Variants in CDC20B observed in about 807,000 individuals in gnomAD.
CDC20B encodes the protein cell division cycle 20B.
In CDC20B, 58 loss-of-function variants were observed where a neutral mutation model predicts 64.1. The ratio of observed to expected loss-of-function variants is 0.90; its 90% CI spans 0.73 to 1.13. The LOEUF is 1.13. CDC20B is among the 50% of genes most tolerant of loss of function. CDC20B has a pLI of 0.00. For synonymous variants in CDC20B, 243 were observed against 230.6 expected (o/e 1.05, Z -0.49); for missense variants, 597 against 633.0 (o/e 0.94, Z 0.61).
chr5:55,170,718 T>C (rs769526811), intron 2 of CDC20B: 2 of 534,054 alleles, frequency 3.7e-6, no homozygotes, highest in Non-Finnish European at 7.7e-6. Flanking sequence ...CAGCTAACAA[T>C]ACACTGCCTA....
chr5:55,154,933 C>T (rs971933561), intron 2 of CDC20B, among the ~76,000 whole-genome samples: 3 of 152,140 alleles, frequency 2.0e-5, no homozygotes, highest in Non-Finnish European at 4.4e-5. Context: ...AGGTGGTACT[C>T]CTTCAATGAC....
chr5:55,154,674 G>T (rs1381922321), intron 2 of CDC20B, among the ~76,000 whole-genome samples: 1 of 152,210 alleles, frequency 6.6e-6, no homozygotes, highest in East Asian at 1.9e-4. Flanking sequence ...AACTTTGAAA[G>T]AGAGCACAGT....
chr5:55,129,580 A>G (rs1442218751), intron 6 of CDC20B, among the ~76,000 whole-genome samples: 7 of 152,218 alleles, frequency 4.6e-5, no homozygotes, highest in Non-Finnish European at 7.3e-5. Flanking sequence ...AAAGAAAGAG[A>G]TCCTCTGAGT....
At chr5:55,161,928 A>G (rs13354729) in intron 2 of CDC20B, among the ~76,000 whole-genome samples, 17,944 of 152,034 alleles carry the variant, frequency 0.12, 1,230 homozygotes, top group East Asian at 0.26. Flanking sequence ...TGTTTTTGCT[A>G]TGTGGCTTCT....
At chr5:55,169,571 C>A (rs1262650713) in intron 2 of CDC20B, among the ~76,000 whole-genome samples, 1 of 152,180 alleles carries the variant, frequency 6.6e-6, no homozygotes, top group Non-Finnish European at 1.5e-5. Flanking sequence ...GTTGTTAGAT[C>A]TCATGCTGTC....
intron 6 of CDC20B, 120 bp from the exon 7 acceptor site, chr5:55,128,737 G>A (rs975916533): frequency 4.5e-6 from 3 of 661,458 alleles, no homozygotes; most frequent in Middle Eastern, 4.1e-4. Flanking sequence ...GCTGGAAAAT[G>A]GAAACATGGA....
intron 7 of CDC20B, 45 bp from the exon 8 acceptor site, chr5:55,127,396 C>G (rs371465617): frequency 2.5e-5 from 37 of 1,482,458 alleles, no homozygotes; most frequent in Non-Finnish European, 3.4e-5. Context: ...GGAGTTTTCA[C>G]AGCCCACTGT....
chr5:55,173,113 G>T lies in CDC20B; in HGVS notation c.-113C>A. ...CTAATCGTCAAACCCCTGGAGTCCC[G>T]TCCCCCAGGACCATTCTATTTCACC... On this transcript the variant is annotated 5_prime_UTR_variant, in exon 1 of 12. Coordinates refer to ENST00000381375, the MANE Select transcript of CDC20B (RefSeq NM_001170402.1). 2.3e-6 allele frequency: 2 copies of T among 856,752 alleles called. No individual in the cohort carries two copies. Among genetic ancestry groups the T allele is most frequent in the East Asian group, 2.7e-5 (1 of 37,730 alleles). 53.1% of individuals were successfully genotyped at this position (856,752 alleles called of 1,614,324 possible).
intron 3 of CDC20B, among the ~76,000 whole-genome samples, chr5:55,144,214 T>G (rs2111877795): frequency 6.6e-6 from 1 of 152,256 alleles, no homozygotes; most frequent in East Asian, 1.9e-4. Flanking sequence ...GAAAGATGTT[T>G]TAAAGATAGT....
chr5:55,144,092 A>C (rs1743408034), intron 3 of CDC20B, among the ~76,000 whole-genome samples: 1 of 151,988 alleles, frequency 6.6e-6, no homozygotes, highest in African/African-American at 2.4e-5. Context: ...GGTTTGCCCG[A>C]GCTATGGTCA....
chr5:55,164,411 A>T (rs577336301), intron 2 of CDC20B: 2 of 369,694 alleles, frequency 5.4e-6, no homozygotes, highest in East Asian at 8.1e-5. Context: ...ATTTTTTTTT[A>T]ATGTTATCTT....
At chr5:55,165,077 G>C (rs1465785462) in intron 2 of CDC20B, 1 of 152,138 alleles carries the variant, frequency 6.6e-6, no homozygotes, top group Non-Finnish European at 1.5e-5. Flanking sequence ...AGGCTGATTT[G>C]GGTTGCTAAT....
chr5:55,156,370 A>G (rs1743808409), intron 2 of CDC20B, among the ~76,000 whole-genome samples: 1 of 152,204 alleles, frequency 6.6e-6, no homozygotes, highest in South Asian at 2.1e-4. Context: ...TTTCTTCTAA[A>G]TAAATTTATT....
chr5:55,139,672 T>C (rs1743277729), intron 5 of CDC20B, among the ~76,000 whole-genome samples: 1 of 152,226 alleles, frequency 6.6e-6, no homozygotes, highest in Non-Finnish European at 1.5e-5. Flanking sequence ...CATTAACTAC[T>C]AATTTTACTT....
intron 2 of CDC20B, among the ~76,000 whole-genome samples, chr5:55,154,799 G>T (rs997145126): frequency 2.0e-5 from 3 of 152,068 alleles, no homozygotes; most frequent in Non-Finnish European, 1.5e-5. Context: ...TTTCAGGTTT[G>T]ATGTAAAGTT....
At chr5:55,147,519 T>C (rs914712662) in intron 2 of CDC20B, among the ~76,000 whole-genome samples, 9 of 148,580 alleles carry the variant, frequency 6.1e-5, no homozygotes, top group African/African-American at 2.2e-4. Context: ...AAATGTTACG[T>C]ATTTTTATAT....
intron 11 of CDC20B, among the ~76,000 whole-genome samples, chr5:55,117,491 A>T (rs186089820): frequency 4.6e-5 from 7 of 152,196 alleles, no homozygotes; most frequent in African/African-American, 1.7e-4. Context: ...TTCACTTTTT[A>T]TTGCTGATCT....
chr5:55,140,105 C>T (rs1305585168), intron 5 of CDC20B, among the ~76,000 whole-genome samples: 1 of 152,008 alleles, frequency 6.6e-6, no homozygotes, highest in African/African-American at 2.4e-5. Context: ...AGGAGGACAG[C>T]TGGAAGAACT....
At position 55,131,722 on chromosome 5, in the gene CDC20B, A is replaced by T. The variant is rs569285706; in HGVS notation, c.697+1690T>A. On this transcript the variant is annotated intron_variant, in intron 6 of 11. Coordinates refer to ENST00000381375, the MANE Select transcript of CDC20B (RefSeq NM_001170402.1). ...AATATGGGGAGAGAAATAGAAAATT[A>T]TAAGTATAAAGATCTTTTGAAAGTT... Among the ~76,000 whole-genome samples, 4 of 152,362 alleles carry T rather than the reference A, an allele frequency of 2.6e-5. No homozygotes were observed. The South Asian group carries it at 6.2e-4, about 24-fold the overall frequency.
Sources: allele counts gnomAD v4.1 joint callset (sites outside exome capture counted in the v4.1 genomes callset), GRCh38; gene constraint gnomAD v4.1.1; transcripts MANE v1.5; gene names NCBI Gene and HGNC (gene_info 2026-07-23, HGNC 2026-07-21).